RBFOX1: variants seen among roughly 807,000 people sequenced by gnomAD.
The protein encoded by RBFOX1 is RNA binding protein fox-1 homolog 1.
Under a neutral mutation model 57.7 loss-of-function variants are expected in RBFOX1, and 8 were observed. That is an observed-to-expected ratio of 0.14 (90% CI 0.08 to 0.25). The LOEUF is 0.25. Ranked by LOEUF, RBFOX1 falls within the 10% of genes least tolerant of loss-of-function variation. RBFOX1 has a pLI of 1.00. For synonymous variants in RBFOX1, 326 were observed against 222.4 expected (o/e 1.47, Z -4.15); for missense variants, 611 against 548.5 (o/e 1.11, Z -1.14).
intron 10 of RBFOX1, among the ~76,000 whole-genome samples, chr16:7,625,041 T>C (rs1468925821): frequency 6.6e-6 from 1 of 152,094 alleles, no homozygotes; most frequent in African/African-American, 2.4e-5. Flanking sequence ...TGGTAGATTA[T>C]AGGGGAGGCT....
At chr16:6,623,665 G>C (rs554823193) in intron 2 of RBFOX1, among the ~76,000 whole-genome samples, 1 of 151,648 alleles carries the variant, frequency 6.6e-6, no homozygotes, top group Non-Finnish European at 1.5e-5. Context: ...TCATCGTTCA[G>C]TTCTCACCTA....
At chr16:7,074,380 A>G (rs961006258) in intron 4 of RBFOX1, among the ~76,000 whole-genome samples, 1 of 152,202 alleles carries the variant, frequency 6.6e-6, no homozygotes, top group African/African-American at 2.4e-5. Context: ...TAAAATGATA[A>G]TAATTAAAAT....
At position 7,293,411 on chromosome 16, in the gene RBFOX1, C is replaced by T. The variant is rs540011901; in HGVS notation, c.28-224736C>T. 6.6e-5 allele frequency among the ~76,000 whole-genome samples: 10 copies of T among 152,222 alleles called. 1 individual carries two copies. Among genetic ancestry groups the T allele is most frequent in the Non-Finnish European group, 1.3e-4 (9 of 68,024 alleles). ...CATGGATAGTGAACGATGACTCTAC[C>T]GATCCTTGTCTGTGTTTTTAAAATG... is the stretch of plus-strand genomic sequence containing the variant. On this transcript the variant is annotated intron_variant, in intron 4 of 15. Coordinates refer to ENST00000550418, the MANE Select transcript of RBFOX1 (RefSeq NM_018723.4).
chr16:7,608,414 G>A (rs1370611698), intron 10 of RBFOX1, among the ~76,000 whole-genome samples: 5 of 152,192 alleles, frequency 3.3e-5, no homozygotes, highest in Admixed American at 6.5e-5. Flanking sequence ...TGGATTTTAC[G>A]TAGGCGATGT....
intron 2 of RBFOX1, among the ~76,000 whole-genome samples, chr16:6,418,195 G>A (rs192870738): frequency 2.0e-4 from 31 of 152,256 alleles, no homozygotes; most frequent in African/African-American, 7.2e-4. Context: ...CTATTTTACC[G>A]AAGGGTAGCT....
At chr16:6,056,250 G>C (rs914148926) in intron 1 of RBFOX1, among the ~76,000 whole-genome samples, 2 of 152,204 alleles carry the variant, frequency 1.3e-5, no homozygotes, top group Non-Finnish European at 2.9e-5. Flanking sequence ...ATGTGGGGGA[G>C]TGTAGGGATA....
intron 3 of RBFOX1, among the ~76,000 whole-genome samples, chr16:6,950,512 C>T (rs755874296): frequency 1.3e-5 from 2 of 152,136 alleles, no homozygotes; most frequent in Non-Finnish European, 2.9e-5. Flanking sequence ...TGAAGCTGAA[C>T]AAATAGAAAT....
intron 1 of RBFOX1, among the ~76,000 whole-genome samples, chr16:6,284,022 A>G (rs971516135): frequency 4.6e-5 from 7 of 152,092 alleles, no homozygotes; most frequent in African/African-American, 1.4e-4. Flanking sequence ...GCTGGAATGG[A>G]TGGAGAGAAA....
At chr16:6,646,931 G>A (rs546396914) in intron 2 of RBFOX1, among the ~76,000 whole-genome samples, 3 of 152,254 alleles carry the variant, frequency 2.0e-5, no homozygotes, top group South Asian at 2.1e-4. Context: ...ATGATCCCAC[G>A]TCCTAGGACT....
chr16:6,624,411 T>C (rs899653790), intron 2 of RBFOX1, among the ~76,000 whole-genome samples: 2 of 152,170 alleles, frequency 1.3e-5, no homozygotes, highest in Non-Finnish European at 1.5e-5. Context: ...TCCTTCATTA[T>C]ATATGTCAGA....
intron 4 of RBFOX1, among the ~76,000 whole-genome samples, chr16:5,996,570 G>A (rs904037533): frequency 4.6e-5 from 7 of 151,976 alleles, no homozygotes; most frequent in Admixed American, 3.3e-4. Context: ...GGGGCTATTT[G>A]CAAAACATGG....
chr16:7,565,277 G>A (rs564165404), intron 5 of RBFOX1, among the ~76,000 whole-genome samples: 4 of 151,828 alleles, frequency 2.6e-5, no homozygotes, highest in Non-Finnish European at 5.9e-5. Context: ...TTCTTCCCCC[G>A]CCCGCCACCA....
chr16:6,864,920 A>G (rs1454508194), intron 3 of RBFOX1, among the ~76,000 whole-genome samples: 1 of 151,176 alleles, frequency 6.6e-6, no homozygotes, highest in East Asian at 1.9e-4. Flanking sequence ...TTGCTGATAA[A>G]TCGAAAACAC....
intron 4 of RBFOX1, among the ~76,000 whole-genome samples, chr16:7,453,785 C>G (rs780424869): frequency 2.5e-4 from 38 of 152,132 alleles, no homozygotes; most frequent in Non-Finnish European, 4.7e-4. Context: ...GTTGGGCACC[C>G]TGATGAGATT....
chr16:5,454,895 T>C (rs201196422), intron 1 of RBFOX1, among the ~76,000 whole-genome samples: 46 of 116,594 alleles, frequency 3.9e-4, no homozygotes, highest in Non-Finnish European at 6.0e-4. Flanking sequence ...TCTTTCTTTC[T>C]TTCTTTCTTT....
At chr16:6,780,304 T>TATATATTTATAC (rs1484057136) in intron 3 of RBFOX1, among the ~76,000 whole-genome samples, 2 of 17,420 alleles carry the variant, frequency 1.1e-4, no homozygotes, top group South Asian at 2.6e-3. Flanking sequence ...TATTTATACA[T>TATATATTTATAC]ATATATATTT....
At chr16:5,696,126 G>A (rs1412050587) in intron 3 of RBFOX1, among the ~76,000 whole-genome samples, 3 of 152,090 alleles carry the variant, frequency 2.0e-5, no homozygotes, top group African/African-American at 7.2e-5. Context: ...TCACCTTTTA[G>A]CATTATTATG....
In RBFOX1 at chr16:6,010,293, G is replaced by A. The variant is rs77239345; in HGVS notation, c.351+142958G>A. On this transcript the variant is annotated intron_variant, in intron 4 of 19. Transcript: ENST00000641259. ...CCTCCCCTCCCCAGGATAACCAACC[G>A]TCACCAATAAGTGATGGAAACTGGT... is the stretch of plus-strand genomic sequence containing the variant. Among the ~76,000 whole-genome samples, 183 of 152,238 alleles carry A rather than the reference G, an allele frequency of 1.2e-3. 4 individuals carry two copies. In the East Asian group the frequency reaches 0.032, roughly 26 times the overall value.
upstream of RBFOX1, among the ~76,000 whole-genome samples, chr16:6,014,951 G>T (rs1454033188): frequency 2.6e-5 from 4 of 151,746 alleles, no homozygotes; most frequent in Non-Finnish European, 4.4e-5. Context: ...AAGCTCCCAG[G>T]CTTAAGCAAT....
Sources: gnomAD v4.1 joint callset for allele counts (sites outside exome capture counted in the v4.1 genomes callset) on GRCh38, gnomAD v4.1.1 for gene constraint, MANE v1.5 for transcripts, NCBI Gene and HGNC (gene_info 2026-07-23, HGNC 2026-07-21) for gene names.